The following FAF1 variants were observed in gnomAD, a reference collection of about 807,000 sequenced individuals.
FAF1 encodes Fas associated factor 1.
A neutral mutation model predicts 92.5 loss-of-function variants in FAF1; 25 were observed. The ratio of observed to expected loss-of-function variants is 0.27; its 90% CI spans 0.20 to 0.38. FAF1 has a LOEUF of 0.38. Among genes scored for constraint, FAF1 ranks in the 10% least tolerant of loss-of-function variants. FAF1 has a pLI of 1.00. For synonymous variants in FAF1, 234 were observed against 273.2 expected (o/e 0.86, Z 1.42); for missense variants, 636 against 793.3 (o/e 0.80, Z 2.38).
intron 15 of FAF1, among the ~76,000 whole-genome samples, chr1:50,525,113 T>C (rs1483160171): frequency 1.3e-5 from 2 of 152,188 alleles, no homozygotes; most frequent in Non-Finnish European, 2.9e-5. Flanking sequence ...CTCAAACTCC[T>C]GGCCTCAGGT....
intron 17 of FAF1, among the ~76,000 whole-genome samples, chr1:50,484,763 T>G (rs781069702): frequency 6.6e-6 from 1 of 152,192 alleles, no homozygotes; most frequent in Non-Finnish European, 1.5e-5. Context: ...GAATGAATAC[T>G]GGATAGAAGC....
At chr1:50,815,443 A>T (rs1033583845) in intron 2 of FAF1, among the ~76,000 whole-genome samples, 6 of 152,234 alleles carry the variant, frequency 3.9e-5, no homozygotes, top group African/African-American at 1.4e-4. Context: ...TATATGTACC[A>T]TATTTTCATT....
At chr1:50,825,945 CAA>C (rs1211898850) in intron 2 of FAF1, among the ~76,000 whole-genome samples, 1 of 151,966 alleles carries the variant, frequency 6.6e-6, no homozygotes, top group Non-Finnish European at 1.5e-5. Context: ...GAAATTAAAA[CAA>C]ATTCCATATT....
intron 7 of FAF1, among the ~76,000 whole-genome samples, chr1:50,703,549 T>C (rs1657558011): frequency 6.6e-6 from 1 of 152,164 alleles, no homozygotes; most frequent in South Asian, 2.1e-4. Context: ...TATTTGTTCC[T>C]GGCAAACTAG....
intron 1 of FAF1, among the ~76,000 whole-genome samples, chr1:50,935,474 CTTT>C (rs112833489): frequency 7.2e-6 from 1 of 139,360 alleles, no homozygotes; most frequent in South Asian, 2.3e-4. Context: ...TTTACTCTCT[CTTT>C]TTTTTTTTTT....
intron 8 of FAF1, among the ~76,000 whole-genome samples, chr1:50,616,982 G>A (rs1250245493): frequency 6.6e-6 from 1 of 152,100 alleles, no homozygotes; most frequent in Non-Finnish European, 1.5e-5. Context: ...CACTCAGGCT[G>A]TACATTGATT....
At position 50,809,759 on chromosome 1, in the gene FAF1, A is replaced by G. The variant is rs553821661; in HGVS notation, c.115-8082T>C. On this transcript the variant is annotated intron_variant, in intron 2 of 18. Coordinates refer to ENST00000396153, the MANE Select transcript of FAF1 (RefSeq NM_007051.3). ...ATTTAAGAAAGAAAGACTCCTCCCTAACTCACTGTTTGAGGCCAGCATCAT... is the reference window on the plus strand; with the variant it reads ...ATTTAAGAAAGAAAGACTCCTCCCTGACTCACTGTTTGAGGCCAGCATCAT... Among the ~76,000 whole-genome samples, 4 of 152,324 alleles carry G rather than the reference A, an allele frequency of 2.6e-5. No homozygotes were observed. In the South Asian group the frequency reaches 8.3e-4, roughly 32 times the overall value.
intron 4 of FAF1, among the ~76,000 whole-genome samples, chr1:50,779,663 AC>A (rs1569934757): frequency 1.3e-5 from 2 of 151,940 alleles, no homozygotes; most frequent in East Asian, 1.9e-4. Context: ...TAACAAAAAA[AC>A]GTTTGGGGGT....
At chr1:50,537,491 CCAAAGAACTTTTGT>C (rs1213950372) in intron 14 of FAF1, among the ~76,000 whole-genome samples, 1 of 151,912 alleles carries the variant, frequency 6.6e-6, no homozygotes, top group African/African-American at 2.4e-5. Flanking sequence ...ACTGAGATCC[CCAAAGAACTTTTGT>C]TTATGTGGAT....
intron 1 of FAF1, among the ~76,000 whole-genome samples, chr1:50,875,879 T>C (rs1201532359): frequency 1.3e-5 from 2 of 152,194 alleles, no homozygotes; most frequent in African/African-American, 2.4e-5. Context: ...CTAGTTTTGA[T>C]AAAACCAGTC....
chr1:50,929,050 T>C (rs2124741971), intron 1 of FAF1, among the ~76,000 whole-genome samples: 2 of 122,396 alleles, frequency 1.6e-5, no homozygotes, highest in East Asian at 4.5e-4. Flanking sequence ...CCAGCCTGGG[T>C]GACATAGCAA....
intron 8 of FAF1, among the ~76,000 whole-genome samples, chr1:50,619,835 AT>A (rs1653106444): frequency 6.6e-6 from 1 of 150,824 alleles, no homozygotes; most frequent in Admixed American, 6.6e-5. Flanking sequence ...CCTCAAATAT[AT>A]TTTCCAAGTT....
At position 50,931,888 on chromosome 1, in the gene FAF1, A is replaced by AAT. The variant is rs778583887; in HGVS notation, c.45+27878_45+27879insAT. The stretch of plus-strand genomic sequence containing the variant: ...GACTCTGTCTCAAAAATAAATAAAT[A>AAT]AATAATAATAATAATAATAATAATA... On this transcript the variant is annotated intron_variant, in intron 1 of 18. Coordinates refer to ENST00000396153, the MANE Select transcript of FAF1 (RefSeq NM_007051.3). 4.3e-4 allele frequency among the ~76,000 whole-genome samples: 56 copies of AAT among 129,482 alleles called. No individual in the cohort carries two copies. In the East Asian group the frequency reaches 7.8e-3, roughly 18 times the overall value. 84.9% of individuals were successfully genotyped at this position (129,482 alleles called of 152,430 possible).
chr1:50,852,671 A>G (rs1644360648), intron 2 of FAF1, among the ~76,000 whole-genome samples: 1 of 152,178 alleles, frequency 6.6e-6, no homozygotes. Flanking sequence ...TGGGTTCAAA[A>G]CTTTACCCCT....
At chr1:50,698,743 T>C (rs912215780) in intron 7 of FAF1, among the ~76,000 whole-genome samples, 1 of 152,112 alleles carries the variant, frequency 6.6e-6, no homozygotes, top group Non-Finnish European at 1.5e-5. Flanking sequence ...ACCCTATAAC[T>C]TACATTTCAA....
intron 13 of FAF1, among the ~76,000 whole-genome samples, chr1:50,554,590 G>T (rs1396362106): frequency 6.6e-6 from 1 of 151,916 alleles, no homozygotes; most frequent in Admixed American, 6.6e-5. Context: ...AACGAAAGAG[G>T]AAGAAAATTA....
chr1:50,855,842 C>T (rs1227544676), intron 2 of FAF1, among the ~76,000 whole-genome samples: 3 of 151,722 alleles, frequency 2.0e-5, no homozygotes, highest in Admixed American at 1.3e-4. Context: ...TGAAAGATAG[C>T]CTGATGTTTT....
chr1:50,500,934 T>G (rs1033997991), intron 15 of FAF1, among the ~76,000 whole-genome samples: 2 of 152,208 alleles, frequency 1.3e-5, no homozygotes, highest in Admixed American at 1.3e-4. Flanking sequence ...ATATTTATTC[T>G]AGTGAATTAT....
chr1:50,640,440 CCACCA>C (rs1654270326), intron 8 of FAF1, among the ~76,000 whole-genome samples: 1 of 151,524 alleles, frequency 6.6e-6, no homozygotes, highest in African/African-American at 2.4e-5. Context: ...CTACAGGCGC[CCACCA>C]CCATACCCAG....
Sources: allele counts gnomAD v4.1 joint callset (sites outside exome capture counted in the v4.1 genomes callset), GRCh38; gene constraint gnomAD v4.1.1; transcripts MANE v1.5; gene names NCBI Gene and HGNC (gene_info 2026-07-23, HGNC 2026-07-21).